Variants in SRGAP2 observed in about 807,000 individuals in gnomAD.
SRGAP2 encodes SLIT-ROBO Rho GTPase activating protein 2, also known as SLIT-ROBO Rho GTPase-activating protein 2.
In SRGAP2, 15 loss-of-function variants were observed where a neutral mutation model predicts 57.2. The ratio of observed to expected loss-of-function variants is 0.26; its 90% CI spans 0.18 to 0.40. SRGAP2 has a LOEUF of 0.40. Among genes scored for constraint, SRGAP2 ranks in the 10% least tolerant of loss-of-function variants. SRGAP2 has a pLI of 1.00. For missense variants in SRGAP2, 520 were observed against 669.6 expected (o/e 0.78, Z 2.47); for synonymous variants, 249 against 248.0 (o/e 1.00, Z -0.04).
chr1:206,206,266 G>A (rs1665905430), intron 2 of SRGAP2: 4 of 491,766 alleles, frequency 8.1e-6, no homozygotes, highest in Non-Finnish European at 1.5e-5. Flanking sequence ...TATCTTTGTG[G>A]GGCTGACCAT....
At chr1:206,357,182 C>T (rs1437206769) in intron 4 of SRGAP2, among the ~76,000 whole-genome samples, 1 of 146,852 alleles carries the variant, frequency 6.8e-6, no homozygotes, top group Non-Finnish European at 1.5e-5. Context: ...AGCAAACAAA[C>T]AAAAAACCCT....
intron 2 of SRGAP2, 30 bp downstream of exon 2, chr1:206,206,067 A>G (rs1299821734): frequency 2.6e-6 from 4 of 1,547,708 alleles, no homozygotes; most frequent in Non-Finnish European, 3.5e-6. Context: ...GCACACTGCA[A>G]ATGCTCTGTG....
At chr1:206,213,801 C>G (rs1238522113) in intron 2 of SRGAP2, among the ~76,000 whole-genome samples, 1 of 151,932 alleles carries the variant, frequency 6.6e-6, no homozygotes, top group Non-Finnish European at 1.5e-5. Context: ...TGCCTGTAAT[C>G]CCAGCTACTC....
At chr1:206,350,511 AC>A (rs782408097) in intron 4 of SRGAP2, among the ~76,000 whole-genome samples, 1 of 151,998 alleles carries the variant, frequency 6.6e-6, no homozygotes, top group East Asian at 1.9e-4. Context: ...CCAAGACCCT[AC>A]CCCAGCATGA....
chr1:206,253,551 T>C (rs1668971895), intron 2 of SRGAP2, among the ~76,000 whole-genome samples: 1 of 150,626 alleles, frequency 6.6e-6, no homozygotes, highest in Non-Finnish European at 1.5e-5. Context: ...TCTCTCTCTC[T>C]TTCTTTCTCT....
In SRGAP2 at chr1:206,410,951, C is replaced by T. The variant is rs1572082400; in HGVS notation, c.1356+4377C>T. Among the ~76,000 whole-genome samples the T allele has an allele frequency of 2.0e-5, 3 of 152,354 alleles. No homozygotes were observed. In the East Asian group the frequency reaches 5.8e-4, roughly 29 times the overall value. On this transcript the variant is annotated intron_variant, in intron 10 of 22. Transcript: ENST00000573034. ...TCTGGGCTCACTGCAACCTCCACCT[C>T]TCAGGTTCAAGCAGTTCTCCTGCCT...
chr1:206,267,887 A>T (rs1432986477), intron 2 of SRGAP2, among the ~76,000 whole-genome samples: 1 of 151,536 alleles, frequency 6.6e-6, no homozygotes, highest in Non-Finnish European at 1.5e-5. Flanking sequence ...TGATGGATGA[A>T]TTCTCAATAG....
intron 2 of SRGAP2, among the ~76,000 whole-genome samples, chr1:206,247,865 CA>C (rs1362394933): frequency 9.2e-5 from 12 of 130,768 alleles, no homozygotes; most frequent in Admixed American, 2.5e-4. Context: ...TCAAGATGAT[CA>C]ATGACTTAAC....
At chr1:206,370,183 G>A (rs1164134041) in intron 4 of SRGAP2, among the ~76,000 whole-genome samples, 37 of 151,908 alleles carry the variant, frequency 2.4e-4, no homozygotes, top group African/African-American at 5.6e-4. Context: ...GGAGAATGGC[G>A]TGAACCCAGG....
chr1:206,416,057 C>A, intron 11 of SRGAP2, 84 bp downstream of exon 11: 3 of 674,144 alleles, frequency 4.5e-6, no homozygotes, highest in South Asian at 1.7e-5. Flanking sequence ...CATCCTCAGC[C>A]AAGTGGACCC....
intron 3 of SRGAP2, among the ~76,000 whole-genome samples, chr1:206,307,200 A>G (rs1672276153): frequency 6.6e-6 from 1 of 151,528 alleles, no homozygotes; most frequent in Non-Finnish European, 1.5e-5. Context: ...CGATTGGTGT[A>G]TTTACAATCC....
chr1:206,309,650 T>C (rs1438706872), intron 3 of SRGAP2, among the ~76,000 whole-genome samples: 18 of 151,586 alleles, frequency 1.2e-4, no homozygotes, highest in Admixed American at 1.0e-3. Context: ...GAAGTGGGGG[T>C]GTTGAGGGAA....
At chr1:206,325,525 G>A (rs1553329645) in intron 3 of SRGAP2, among the ~76,000 whole-genome samples, 1 of 151,276 alleles carries the variant, frequency 6.6e-6, no homozygotes, top group East Asian at 2.0e-4. Context: ...TTGTATTTTT[G>A]GTAGAGACAA....
intron 3 of SRGAP2, among the ~76,000 whole-genome samples, chr1:206,304,510 T>C (rs1401319227): frequency 6.6e-6 from 1 of 151,270 alleles, no homozygotes; most frequent in Non-Finnish European, 1.5e-5. Flanking sequence ...TTAAAAAAAA[T>C]TGCAAAAAAA....
chr1:206,245,381 T>G (rs1558248460), intron 2 of SRGAP2, among the ~76,000 whole-genome samples: 1 of 152,068 alleles, frequency 6.6e-6, no homozygotes, highest in East Asian at 1.9e-4. Flanking sequence ...TTGTGTGTGT[T>G]ATTGTTTTTC....
At chr1:206,338,940 A>G (rs1553334399) in intron 3 of SRGAP2, among the ~76,000 whole-genome samples, 2 of 151,764 alleles carry the variant, frequency 1.3e-5, no homozygotes. Flanking sequence ...AATGAGAACA[A>G]TGAGGCTGTT....
intron 4 of SRGAP2, among the ~76,000 whole-genome samples, chr1:206,346,951 G>C (rs1292617017): frequency 9.9e-5 from 15 of 151,590 alleles, no homozygotes; most frequent in African/African-American, 3.6e-4. Flanking sequence ...GGCTTAAAGA[G>C]ATTAAGCAGG....
intron 2 of SRGAP2, among the ~76,000 whole-genome samples, chr1:206,229,342 G>A (rs1486195045): frequency 1.3e-5 from 2 of 150,522 alleles, no homozygotes; most frequent in Non-Finnish European, 2.9e-5. Context: ...CTGCTCCTAA[G>A]TTCCTTTTGT....
chr1:206,457,596 C>G (rs1310706174), intron 21 of SRGAP2, among the ~76,000 whole-genome samples: 3 of 152,170 alleles, frequency 2.0e-5, no homozygotes, highest in Admixed American at 2.0e-4. Context: ...CTAAAACTGC[C>G]GAGTGGACAG....
Sources: allele counts gnomAD v4.1 joint callset (sites outside exome capture counted in the v4.1 genomes callset), GRCh38; gene constraint gnomAD v4.1.1; transcripts MANE v1.5; gene names NCBI Gene and HGNC (gene_info 2026-07-23, HGNC 2026-07-21).